The following SNU13 variants were observed in gnomAD, a reference collection of about 807,000 sequenced individuals.
The protein encoded by SNU13 is NHP2-like protein 1.
In SNU13, 2 loss-of-function variants were observed where a neutral mutation model predicts 12.4. The observed-to-expected ratio is 0.16, with a 90% CI of 0.07 to 0.51. The LOEUF (loss-of-function observed/expected upper bound fraction) is 0.51. Ranked by LOEUF, SNU13 falls within the 20% of genes least tolerant of loss-of-function variation. The pLI, the probability that SNU13 is intolerant of heterozygous loss-of-function variation, is 0.96. For missense variants in SNU13, 66 were observed against 157.8 expected (o/e 0.42, Z 3.12); for synonymous variants, 68 against 66.5 (o/e 1.02, Z -0.11).
chr22:41,682,586 A>C, intron 1 of SNU13: 2 of 1,438,460 alleles, frequency 1.4e-6, no homozygotes, highest in Non-Finnish European at 1.8e-6. Context: ...GTCCCAGGAC[A>C]ACTAGGAAGA....
At chr22:41,676,011 T>C (rs2068210099) in intron 2 of SNU13, among the ~76,000 whole-genome samples, 1 of 152,164 alleles carries the variant, frequency 6.6e-6, no homozygotes, top group South Asian at 2.1e-4. Flanking sequence ...ATTACAGGCA[T>C]GAGCCACCAC....
At chr22:41,681,623 T>G (rs1382766106) in intron 1 of SNU13, 1 of 152,306 alleles carries the variant, frequency 6.6e-6, no homozygotes, top group Non-Finnish European at 1.5e-5. Flanking sequence ...ATTAACTAAT[T>G]AATGGCATTT....
At chr22:41,682,308 A>T in intron 1 of SNU13, 1 of 1,567,052 alleles carries the variant, frequency 6.4e-7, no homozygotes, top group Non-Finnish European at 8.8e-7. Flanking sequence ...GCGGCACCAC[A>T]GCTCTCGGGA....
At chr22:41,682,546 T>C in intron 1 of SNU13, 1 of 1,481,772 alleles carries the variant, frequency 6.7e-7, no homozygotes, top group Non-Finnish European at 8.9e-7. Context: ...GTCTTCTACG[T>C]AACTCCTTAT....
intron 1 of SNU13, chr22:41,681,120 C>T (rs995682495): frequency 1.3e-5 from 2 of 152,232 alleles, no homozygotes. Context: ...TCTGTTCAAA[C>T]CCATGGTTTC....
chr22:41,688,135 G>C (rs2068327006), intron 1 of SNU13: 1 of 152,184 alleles, frequency 6.6e-6, no homozygotes. Flanking sequence ...GTTTAGAGAC[G>C]CCGCACGTGG....
chr22:41,682,655 G>C, intron 1 of SNU13: 1 of 1,012,560 alleles, frequency 9.9e-7, no homozygotes, highest in African/African-American at 1.7e-5. Flanking sequence ...GTCAAGGGAA[G>C]ACCTCCATAT....
upstream of SNU13, among the ~76,000 whole-genome samples, chr22:41,690,077 T>C (rs2068348030): frequency 6.6e-6 from 1 of 152,152 alleles, no homozygotes; most frequent in Non-Finnish European, 1.5e-5. Context: ...ATATTTTGAA[T>C]AGAACTTTTG....
Position 41,685,086 on chromosome 22 carries a change from C to T in SNU13, c.3+3708G>A, listed in dbSNP as rs183813323. ...AGGAGAATGGCTTGAACCCGGGAAG[C>T]GGAGATTGCAGTAGGTTGAGATGAT... On this transcript the variant is annotated intron_variant, in intron 1 of 2. Coordinates refer to ENST00000401959, the MANE Select transcript of SNU13 (RefSeq NM_001003796.2). Among the ~76,000 whole-genome samples the T allele has an allele frequency of 1.7e-3, 243 of 144,334 alleles. 1 individual carries two copies. Among genetic ancestry groups the T allele is most frequent in the African/African-American group, 6.3e-3 (240 of 38,322 alleles). 94.7% of individuals were successfully genotyped at this position (144,334 alleles called of 152,430 possible).
At position 41,674,916 on chromosome 22, in the gene SNU13, T is replaced by G. The variant is rs771149917; in HGVS notation, c.*17A>C. 24 of 1,606,044 alleles carry G rather than the reference T, an allele frequency of 1.5e-5. No individual in the cohort carries two copies. The highest frequency in any genetic ancestry group is 2.0e-5 in the Non-Finnish European group (24 of 1,174,188). Reference sequence around the variant, plus strand: ...AGGGGGGAAGCTGGCAGGGAGCACGTGGCAGAGGCCACAGGTTTAGACTAA... The same window carrying G: ...AGGGGGGAAGCTGGCAGGGAGCACGGGGCAGAGGCCACAGGTTTAGACTAA... On this transcript the variant is annotated 3_prime_UTR_variant, in exon 3 of 3. Transcript: ENST00000401959.
At chr22:41,687,785 C>T (rs768333332) in intron 1 of SNU13, 2 of 152,224 alleles carry the variant, frequency 1.3e-5, no homozygotes, top group Non-Finnish European at 2.9e-5. Context: ...TCACAACACC[C>T]TCATGCACTG....
Position 41,688,632 on chromosome 22 carries a change from G to C in SNU13, c.3+162C>G, listed in dbSNP as rs41281293. Among the ~76,000 whole-genome samples, 1,244 of 152,286 alleles carry C rather than the reference G, an allele frequency of 8.2e-3. 6 individuals carry two copies. The highest frequency in any genetic ancestry group is 0.013 in the Non-Finnish European group (913 of 68,012). On this transcript the variant is annotated intron_variant, in intron 1 of 2. Transcript: ENST00000401959. ...GTTCTAACCTCGGGCCAGGCTGCTGGGACCCCGCCGCTGCTGGGGTTCTAA... is the reference window on the plus strand; with the variant it reads ...GTTCTAACCTCGGGCCAGGCTGCTGCGACCCCGCCGCTGCTGGGGTTCTAA...
chr22:41,682,324 C>G (rs921373291), intron 1 of SNU13: 1 of 1,596,314 alleles, frequency 6.3e-7, no homozygotes, highest in Non-Finnish European at 8.6e-7. Flanking sequence ...CGGGAGGTGA[C>G]CCGGAGATAA....
intron 1 of SNU13, among the ~76,000 whole-genome samples, chr22:41,684,007 A>G (rs942238010): frequency 4.6e-5 from 7 of 151,996 alleles, no homozygotes; most frequent in African/African-American, 1.7e-4. Flanking sequence ...GGTTCAAGCA[A>G]TTCTCCTACC....
chr22:41,689,200 A>G (rs2068339889), upstream of SNU13: 3 of 619,646 alleles, frequency 4.8e-6, no homozygotes, highest in South Asian at 6.6e-5. Context: ...CGTCCCTACT[A>G]AAAAATACAA....
chr22:41,679,951 TCTGGTGAGGTC>T (rs1463370848), intron 2 of SNU13: 11 of 213,308 alleles, frequency 5.2e-5, no homozygotes, highest in African/African-American at 2.5e-4. Context: ...TTCTGATGGC[TCTGGTGAGGTC>T]ATACAGCCAC....
chr22:41,689,979 C>CAA (rs770945331), upstream of SNU13, among the ~76,000 whole-genome samples: 7 of 97,900 alleles, frequency 7.2e-5, no homozygotes, highest in Non-Finnish European at 1.1e-4. Flanking sequence ...AACTCGGTCT[C>CAA]AAAAAAAAAA....
At position 41,688,867 on chromosome 22, in the gene SNU13, G is replaced by T; in HGVS notation, c.-71C>A. The T allele has an allele frequency of 6.6e-7, 1 of 1,523,354 alleles. No individual in the cohort carries two copies. Among genetic ancestry groups the T allele is most frequent in the South Asian group, 1.2e-5 (1 of 84,448 alleles). The allele number at this position is 1,523,354 out of a possible 1,614,324, so 94.4% of individuals were successfully genotyped here. On this transcript the variant is annotated 5_prime_UTR_variant, in exon 1 of 3. Coordinates refer to ENST00000401959, the MANE Select transcript of SNU13 (RefSeq NM_001003796.2). ...CGTTTCAGAAGCACTCGCGTGCACC[G>T]GAAAAACTCACAGAAGCAGCAGCGG...
chr22:41,688,671 G>T, intron 1 of SNU13, 123 bp downstream of exon 1: 2 of 1,365,976 alleles, frequency 1.5e-6, no homozygotes, highest in Non-Finnish European at 9.9e-7. Flanking sequence ...AGGGCCCGGC[G>T]GTTAAGACCC....
Sources: allele counts gnomAD v4.1 joint callset (sites outside exome capture counted in the v4.1 genomes callset), GRCh38; gene constraint gnomAD v4.1.1; transcripts MANE v1.5; gene names NCBI Gene and HGNC (gene_info 2026-07-23, HGNC 2026-07-21).